Variants in CABLES1 observed in about 807,000 individuals in gnomAD.
The protein encoded by CABLES1 is CDK5 and ABL1 enzyme substrate 1.
Under a neutral mutation model 57.8 loss-of-function variants are expected in CABLES1, and 36 were observed. The ratio of observed to expected loss-of-function variants is 0.62; its 90% CI spans 0.48 to 0.82. CABLES1 has a LOEUF of 0.82. Ranked by LOEUF, CABLES1 falls within the 40% of genes least tolerant of loss-of-function variation. The probability of loss-of-function intolerance (pLI) is 0.00; values close to 1 mark genes in which losing one functional copy is unlikely to be tolerated. For missense variants in CABLES1, 767 were observed against 836.6 expected, an observed-to-expected ratio of 0.92 and a Z score of 1.03; for synonymous variants, 374 against 363.0, an observed-to-expected ratio of 1.03 and a Z score of -0.35.
At chr18:23,233,982 T>C (rs9947520) in intron 4 of CABLES1, among the ~76,000 whole-genome samples, 45,315 of 151,996 alleles carry the variant, frequency 0.3, 7,235 homozygotes, top group Admixed American at 0.46. Context: ...TTTGGGAGGC[T>C]GAGATGGGTG....
At chr18:23,219,041 A>G (rs1330595532) in intron 4 of CABLES1, 1 of 376,200 alleles carries the variant, frequency 2.7e-6, no homozygotes. Context: ...AAATTTCTTT[A>G]TCCCCACCCC....
intron 1 of CABLES1, among the ~76,000 whole-genome samples, chr18:23,137,065 C>G (rs1005030114): frequency 7.9e-5 from 12 of 152,254 alleles, no homozygotes; most frequent in African/African-American, 2.7e-4. Context: ...GCGTGACCCT[C>G]CGGAGAAGTT....
At chr18:23,202,136 G>A (rs565098155) in intron 3 of CABLES1, among the ~76,000 whole-genome samples, 1 of 152,234 alleles carries the variant, frequency 6.6e-6, no homozygotes, top group Non-Finnish European at 1.5e-5. Context: ...TGGGAACCAC[G>A]CAGTGTGCTG....
chr18:23,203,277 G>C (rs1222993093), intron 3 of CABLES1, among the ~76,000 whole-genome samples: 1 of 152,082 alleles, frequency 6.6e-6, no homozygotes, highest in African/African-American at 2.4e-5. Flanking sequence ...CGCCTCCTGG[G>C]TCTGCTTCAA....
chr18:23,148,051 G>C (rs1244896167), intron 1 of CABLES1, among the ~76,000 whole-genome samples: 1 of 142,624 alleles, frequency 7.0e-6, no homozygotes, highest in Admixed American at 7.5e-5. Flanking sequence ...GTGCAGCGGC[G>C]TGATCTCGGC....
chr18:23,180,376 C>G (rs2047156588), intron 1 of CABLES1, among the ~76,000 whole-genome samples: 1 of 152,136 alleles, frequency 6.6e-6, no homozygotes, highest in South Asian at 2.1e-4. Context: ...TGGCAGTCAA[C>G]AGCTTAAGAT....
At chr18:23,157,428 T>C (rs553646417) in intron 1 of CABLES1, among the ~76,000 whole-genome samples, 1 of 152,274 alleles carries the variant, frequency 6.6e-6, no homozygotes, top group East Asian at 1.9e-4. Context: ...ATCTCACTTA[T>C]TCCTCATACC....
chr18:23,193,791 A>G (rs941890368), intron 2 of CABLES1, among the ~76,000 whole-genome samples: 1 of 152,078 alleles, frequency 6.6e-6, no homozygotes, highest in African/African-American at 2.4e-5. Flanking sequence ...AATGCTATAT[A>G]CTCCAGCAAA....
chr18:23,247,778 A>G (rs889841779), intron 7 of CABLES1, among the ~76,000 whole-genome samples: 1 of 152,224 alleles, frequency 6.6e-6, no homozygotes, highest in Non-Finnish European at 1.5e-5. Flanking sequence ...AGCACAGCAG[A>G]CAGGAGGCCA....
intron 7 of CABLES1, among the ~76,000 whole-genome samples, chr18:23,238,734 G>A (rs1003517210): frequency 6.6e-6 from 1 of 152,230 alleles, no homozygotes; most frequent in Non-Finnish European, 1.5e-5. Context: ...ACATGGCCAG[G>A]AAACTGGCTC....
chr18:23,161,461 T>C (rs1013828269), intron 1 of CABLES1, among the ~76,000 whole-genome samples: 5 of 150,940 alleles, frequency 3.3e-5, no homozygotes, highest in Non-Finnish European at 7.4e-5. Context: ...CAGGGTGGGC[T>C]CCCTCTTTCT....
In CABLES1 at chr18:23,202,171, C is replaced by T. The variant is rs117199104; in HGVS notation, c.1010+7631C>T. Among the ~76,000 whole-genome samples the T allele has an allele frequency of 3.1e-3, 474 of 152,300 alleles. 3 individuals are homozygous for T. Among genetic ancestry groups the T allele is most frequent in the Middle Eastern group, 6.8e-3 (2 of 294 alleles). ...GAGCAGAGGTACGAGTGATCTGACT[C>T]GCCTTGGAACACAGTCACTCTGGGT... On this transcript the variant is annotated intron_variant, in intron 3 of 9. Coordinates refer to ENST00000256925, the MANE Select transcript of CABLES1 (RefSeq NM_001100619.3).
chr18:23,164,267 T>C (rs540259803), intron 1 of CABLES1, among the ~76,000 whole-genome samples: 3 of 152,352 alleles, frequency 2.0e-5, no homozygotes, highest in African/African-American at 7.2e-5. Context: ...CTCCGTAGCC[T>C]ACAGAGTGTT....
intron 1 of CABLES1, among the ~76,000 whole-genome samples, chr18:23,182,734 C>T (rs2047176022): frequency 6.6e-6 from 1 of 152,232 alleles, no homozygotes; most frequent in Admixed American, 6.5e-5. Flanking sequence ...AGAGCTTTCC[C>T]CTGGGTGCCC....
intron 1 of CABLES1, among the ~76,000 whole-genome samples, chr18:23,156,796 C>G (rs561702278): frequency 6.6e-6 from 1 of 152,280 alleles, no homozygotes; most frequent in Non-Finnish European, 1.5e-5. Flanking sequence ...TGTTTTTTCT[C>G]TGTAAGGCAC....
At chr18:23,137,519 G>A (rs1438130270) in intron 1 of CABLES1, among the ~76,000 whole-genome samples, 1 of 152,174 alleles carries the variant, frequency 6.6e-6, no homozygotes, top group African/African-American at 2.4e-5. Flanking sequence ...GGCCTCTTGT[G>A]AAGTTAGCAA....
intron 3 of CABLES1, among the ~76,000 whole-genome samples, chr18:23,209,589 C>T (rs112683642): frequency 7.6e-4 from 116 of 152,294 alleles, no homozygotes; most frequent in African/African-American, 2.4e-3. Context: ...TTCACCCCGC[C>T]GTTACTGCAG....
In CABLES1 at chr18:23,194,524, G is replaced by A. The variant is rs752489039; in HGVS notation, c.994G>A (p.Asp332Asn). ...IHFIKNMRQH[D>N]TRNGRIVLIS... Reference sequence around the variant, plus strand: ...TTTTATCAAGAACATGCGGCAACACGATACCAGGAATGGCAGGTACTACAT... The same window carrying A: ...TTTTATCAAGAACATGCGGCAACACAATACCAGGAATGGCAGGTACTACAT... The change falls in exon 3 of 10, where the codon GAT becomes AAT. Residue 332 changes from aspartate (D) to asparagine (N), a missense_variant. By Grantham distance (23) the Asp-to-Asn change is conservative. Coordinates refer to ENST00000256925, the MANE Select transcript of CABLES1 (RefSeq NM_001100619.3). 7 of 1,611,174 alleles carry A rather than the reference G, an allele frequency of 4.3e-6. No homozygotes were observed. The highest frequency in any genetic ancestry group is 1.1e-5 in the South Asian group (1 of 91,008).
At chr18:23,253,098 C>G in intron 8 of CABLES1, 32 bp downstream of exon 8, 1 of 1,167,046 alleles carries the variant, frequency 8.6e-7, no homozygotes, top group South Asian at 1.2e-5. Flanking sequence ...TGTGACCTTT[C>G]CCTGCAAACC....
Sources: allele counts gnomAD v4.1 joint callset (sites outside exome capture counted in the v4.1 genomes callset), GRCh38; gene constraint gnomAD v4.1.1; transcripts MANE v1.5; gene names NCBI Gene and HGNC (gene_info 2026-07-23, HGNC 2026-07-21).